Variants in TTC28 observed in about 807,000 individuals in gnomAD.
TTC28 encodes the protein tetratricopeptide repeat protein 28.
TTC28 carries 61 observed loss-of-function variants against 198.0 expected under a neutral mutation model. That is an observed-to-expected ratio of 0.31 (90% confidence interval 0.25 to 0.38). TTC28 has a LOEUF of 0.38. Among genes scored for constraint, TTC28 ranks in the 10% least tolerant of loss-of-function variants. The pLI, the probability that TTC28 is intolerant of heterozygous loss-of-function variation, is 1.00. For synonymous variants in TTC28, 1,171 were observed against 1,297.8 expected (o/e 0.90, Z 2.10); for missense variants, 2,678 against 3,164.0 (o/e 0.85, Z 3.69).
At chr22:28,419,492 A>G (rs1442900760) in intron 2 of TTC28, among the ~76,000 whole-genome samples, 2 of 152,214 alleles carry the variant, frequency 1.3e-5, no homozygotes, top group Non-Finnish European at 2.9e-5. Context: ...TGGTTCATTC[A>G]TACTTGTTTA....
intron 2 of TTC28, among the ~76,000 whole-genome samples, chr22:28,621,016 A>G (rs547549822): frequency 6.6e-6 from 1 of 152,310 alleles, no homozygotes; most frequent in East Asian, 1.9e-4. Flanking sequence ...TCTTTAGTTG[A>G]TAATGTAAAA....
chr22:28,137,608 T>C (rs1943228624), intron 6 of TTC28, among the ~76,000 whole-genome samples: 1 of 152,106 alleles, frequency 6.6e-6, no homozygotes, highest in South Asian at 2.1e-4. Context: ...GGATGAATTC[T>C]GCCTGCATGA....
chr22:28,637,190 T>G (rs1217356749), intron 1 of TTC28, among the ~76,000 whole-genome samples: 1 of 152,016 alleles, frequency 6.6e-6, no homozygotes, highest in Non-Finnish European at 1.5e-5. Flanking sequence ...TTTTGTATTT[T>G]TAGTAGAGAC....
chr22:28,254,230 A>G (rs901305912), intron 5 of TTC28, among the ~76,000 whole-genome samples: 2 of 152,198 alleles, frequency 1.3e-5, no homozygotes, highest in Admixed American at 6.5e-5. Context: ...ATATGAGGAA[A>G]GGAAAGGTTG....
At chr22:28,391,812 T>C (rs134536) in intron 2 of TTC28, among the ~76,000 whole-genome samples, 148,904 of 151,786 alleles carry the variant, frequency 0.98, 73,040 homozygotes, top group East Asian at 0.99. Flanking sequence ...TCGGAGTAAT[T>C]TGATCGTCTG....
chr22:28,239,194 T>C (rs2147247886), intron 5 of TTC28, among the ~76,000 whole-genome samples: 1 of 152,306 alleles, frequency 6.6e-6, no homozygotes, highest in Non-Finnish European at 1.5e-5. Context: ...TTCTTTCCTT[T>C]TGCTTCAATT....
At chr22:28,436,204 T>G (rs2047517980) in intron 2 of TTC28, among the ~76,000 whole-genome samples, 2 of 152,228 alleles carry the variant, frequency 1.3e-5, no homozygotes, top group South Asian at 4.1e-4. Flanking sequence ...GAGATAAATT[T>G]GCAAGCTTAG....
chr22:28,013,612 AAAGCATAGCCC>A (rs1938240958), intron 14 of TTC28, among the ~76,000 whole-genome samples: 2 of 152,206 alleles, frequency 1.3e-5, no homozygotes, highest in Non-Finnish European at 2.9e-5. Flanking sequence ...ATCTCACCAG[AAAGCATAGCCC>A]TGGCTCGAAG....
intron 2 of TTC28, among the ~76,000 whole-genome samples, chr22:28,322,487 T>G (rs1354905778): frequency 6.6e-6 from 1 of 152,214 alleles, no homozygotes; most frequent in Non-Finnish European, 1.5e-5. Context: ...ATGTTTATTT[T>G]GTGCCTAATT....
At chr22:28,553,787 C>T (rs573062366) in intron 2 of TTC28, among the ~76,000 whole-genome samples, 5 of 145,794 alleles carry the variant, frequency 3.4e-5, no homozygotes, top group Admixed American at 6.8e-5. Context: ...CCACCCCGTC[C>T]GGGAGGTGAG....
chr22:28,215,145 G>C (rs2147188744), intron 5 of TTC28, among the ~76,000 whole-genome samples: 1 of 152,304 alleles, frequency 6.6e-6, no homozygotes, highest in African/African-American at 2.4e-5. Context: ...GGTTGGGGGA[G>C]GGGAGAGGGA....
At chr22:28,020,039 T>A (rs1056722984) in intron 13 of TTC28, among the ~76,000 whole-genome samples, 1 of 152,224 alleles carries the variant, frequency 6.6e-6, no homozygotes, top group African/African-American at 2.4e-5. Flanking sequence ...GCAAGAGACC[T>A]GCACAAAGCC....
At chr22:28,275,747 A>C (rs904378492) in intron 5 of TTC28, among the ~76,000 whole-genome samples, 5 of 152,038 alleles carry the variant, frequency 3.3e-5, no homozygotes, top group African/African-American at 1.2e-4. Flanking sequence ...TTAAACAAAA[A>C]AAAAAGAAAA....
At chr22:28,555,333 C>T (rs1320057108) in intron 2 of TTC28, among the ~76,000 whole-genome samples, 2 of 152,108 alleles carry the variant, frequency 1.3e-5, no homozygotes, top group African/African-American at 4.8e-5. Flanking sequence ...TCCAGCAATC[C>T]CATTACTAGG....
chr22:28,547,569 A>G (rs2049571914), intron 2 of TTC28, among the ~76,000 whole-genome samples: 1 of 152,158 alleles, frequency 6.6e-6, no homozygotes, highest in African/African-American at 2.4e-5. Context: ...CCCCCAGTCA[A>G]TGAATCTAGT....
chr22:28,191,995 G>A (rs1257723642), intron 5 of TTC28, among the ~76,000 whole-genome samples: 1 of 152,178 alleles, frequency 6.6e-6, no homozygotes, highest in East Asian at 1.9e-4. Flanking sequence ...TGCCTCCTCA[G>A]GTGGGTCCCT....
At chr22:28,631,227 C>A (rs1008200681) in intron 1 of TTC28, among the ~76,000 whole-genome samples, 2 of 152,114 alleles carry the variant, frequency 1.3e-5, no homozygotes, top group African/African-American at 4.8e-5. Context: ...TTTTCTTAAA[C>A]TTATGCAAGT....
chr22:28,115,007 A>G (rs1227900756), intron 6 of TTC28, among the ~76,000 whole-genome samples: 5 of 152,112 alleles, frequency 3.3e-5, no homozygotes, highest in Non-Finnish European at 7.4e-5. Flanking sequence ...TCGCTGCTCC[A>G]TGATCTCATT....
At position 28,296,340 on chromosome 22, in the gene TTC28, T is replaced by C; in HGVS notation, c.803-12A>G. 1 of 1,493,080 alleles carries C rather than the reference T, an allele frequency of 6.7e-7. No homozygotes were observed. The highest frequency in any genetic ancestry group is 2.6e-5 in the Admixed American group (1 of 38,276). The allele number at this position is 1,493,080 out of a possible 1,614,324, so 92.5% of individuals were successfully genotyped here. Reference sequence around the variant, plus strand: ...TCCTGTCTGGTCACCTGGATTGAATTGAGAAAAAAAAAAAGAAAAAATTTC... The same window carrying C: ...TCCTGTCTGGTCACCTGGATTGAATCGAGAAAAAAAAAAAGAAAAAATTTC... On this transcript the variant is annotated splice_polypyrimidine_tract_variant and intron_variant, in intron 4 of 22. Transcript: ENST00000397906.
Sources: gnomAD v4.1 joint callset for allele counts (sites outside exome capture counted in the v4.1 genomes callset) on GRCh38, gnomAD v4.1.1 for gene constraint, MANE v1.5 for transcripts, NCBI Gene and HGNC (gene_info 2026-07-23, HGNC 2026-07-21) for gene names.